The following GGACT variants were observed in gnomAD, a reference collection of about 807,000 sequenced individuals.
GGACT encodes gamma-glutamylaminecyclotransferase.
For missense variants in GGACT, 241 were observed against 233.2 expected (o/e 1.03, Z -0.22); for synonymous variants, 118 against 115.3 (o/e 1.02, Z -0.15).
At chr13:100,582,374 C>T (rs1875446878) in intron 2 of GGACT, among the ~76,000 whole-genome samples, 1 of 152,180 alleles carries the variant, frequency 6.6e-6, no homozygotes. Context: ...TTTGTCTCCT[C>T]AAATCTGTGG....
intron 1 of GGACT, among the ~76,000 whole-genome samples, chr13:100,586,247 G>A (rs576012797): frequency 6.6e-6 from 1 of 152,098 alleles, no homozygotes; most frequent in African/African-American, 2.4e-5. Context: ...GGAATAAACT[G>A]CTTTAAACTG....
intron 2 of GGACT, among the ~76,000 whole-genome samples, chr13:100,552,750 C>G (rs566022930): frequency 2.6e-5 from 4 of 152,160 alleles, no homozygotes; most frequent in African/African-American, 4.8e-5. Context: ...AGGTACTGAG[C>G]ATCTAGGACG....
rs144283341 is a variant in GGACT at position 100,574,886 on chromosome 13, A to G, written c.-11+8939T>C. On this transcript the variant is annotated intron_variant, in intron 2 of 2. Coordinates refer to ENST00000683975, the MANE Select transcript of GGACT (RefSeq NM_001195087.2). ...TCATACTTATGTGTATTAAAAAAAA[A>G]AGAGACAGAAATCTATCCAATTTAA... 3.3e-5 allele frequency among the ~76,000 whole-genome samples: 5 copies of G among 152,146 alleles called. No individual in the cohort carries two copies. In the East Asian group the frequency reaches 7.8e-4, roughly 24 times the overall value.
chr13:100,584,892 G>A (rs1016481509), intron 1 of GGACT, among the ~76,000 whole-genome samples: 41 of 152,178 alleles, frequency 2.7e-4, no homozygotes, highest in African/African-American at 9.2e-4. Flanking sequence ...ATCAGGCAAA[G>A]CCAATTTTAG....
At chr13:100,544,662 C>G (rs1484527025) in intron 2 of GGACT, among the ~76,000 whole-genome samples, 2 of 152,264 alleles carry the variant, frequency 1.3e-5, no homozygotes, top group African/African-American at 2.4e-5. Context: ...GATGCCACCC[C>G]AGGCCTCCTG....
chr13:100,547,401 G>A (rs2088617750), intron 2 of GGACT, among the ~76,000 whole-genome samples: 1 of 152,200 alleles, frequency 6.6e-6, no homozygotes, highest in Non-Finnish European at 1.5e-5. Context: ...GGATACATTT[G>A]TCAAAATCAT....
chr13:100,551,735 G>A (rs1422086411), intron 2 of GGACT, among the ~76,000 whole-genome samples: 1 of 152,188 alleles, frequency 6.6e-6, no homozygotes, highest in Non-Finnish European at 1.5e-5. Flanking sequence ...CCATCCCTTC[G>A]ATGTACAGGG....
At position 100,587,701 on chromosome 13, in the gene GGACT, G is replaced by A. The variant is rs1594202526; in HGVS notation, c.-184+1040C>T. Among the ~76,000 whole-genome samples the A allele has an allele frequency of 3.3e-5, 5 of 152,274 alleles. 1 individual carries two copies. In the South Asian group the frequency reaches 1.0e-3, roughly 32 times the overall value. The stretch of plus-strand genomic sequence containing the variant: ...GTTTTTCATTAATCATTTCTCCTGG[G>A]ACATTTAGCAAAACGAATAACTTGC... On this transcript the variant is annotated intron_variant, in intron 1 of 2. Coordinates refer to ENST00000683975, the MANE Select transcript of GGACT (RefSeq NM_001195087.2).
chr13:100,581,880 T>A (rs551841197), intron 2 of GGACT, among the ~76,000 whole-genome samples: 2 of 152,196 alleles, frequency 1.3e-5, no homozygotes, highest in East Asian at 3.9e-4. Flanking sequence ...CCTGTGGCAG[T>A]GACTCTGTGG....
chr13:100,550,842 TAC>T (rs1451424305), intron 2 of GGACT, among the ~76,000 whole-genome samples: 2 of 152,220 alleles, frequency 1.3e-5, no homozygotes, highest in African/African-American at 4.8e-5. Flanking sequence ...TCCCCAAATT[TAC>T]AGTGTTCTTT....
At chr13:100,577,324 G>A (rs1875276247) in intron 2 of GGACT, among the ~76,000 whole-genome samples, 1 of 151,822 alleles carries the variant, frequency 6.6e-6, no homozygotes, top group African/African-American at 2.4e-5. Context: ...GCTAAGGCAG[G>A]AGAATCACTT....
At chr13:100,552,168 A>T (rs553266682) in intron 2 of GGACT, among the ~76,000 whole-genome samples, 19 of 152,274 alleles carry the variant, frequency 1.2e-4, no homozygotes, top group Non-Finnish European at 2.6e-4. Flanking sequence ...AGAAGAAGAA[A>T]ATTCAATGGA....
chr13:100,530,680 T>C lies in GGACT; in HGVS notation c.*1450A>G. 4.5e-6 allele frequency: 1 copy of C among 222,234 alleles called. No individual in the cohort carries two copies. The highest frequency in any genetic ancestry group is 9.0e-6 in the Non-Finnish European group (1 of 111,718). The allele number at this position is 222,234 out of a possible 1,614,324, so 13.8% of individuals were successfully genotyped here. A position where few individuals can be genotyped will look rare whatever the true frequency, so the allele number is the denominator to read the frequency against. On this transcript the variant is annotated 3_prime_UTR_variant, in exon 3 of 3. Coordinates refer to ENST00000683975, the MANE Select transcript of GGACT (RefSeq NM_001195087.2). ...CTTCCTAAGGACCAGAGACTGCAAATGCAGATTTTGGCAATCCCTTTCCTG... is the reference window on the plus strand; with the variant it reads ...CTTCCTAAGGACCAGAGACTGCAAACGCAGATTTTGGCAATCCCTTTCCTG...
chr13:100,550,364 C>CTT (rs2088650598), intron 2 of GGACT, among the ~76,000 whole-genome samples: 1 of 135,100 alleles, frequency 7.4e-6, no homozygotes, highest in African/African-American at 3.1e-5. Flanking sequence ...ACCACTGGCC[C>CTT]TTCTAAGGAA....
chr13:100,551,974 G>A (rs760401632), intron 2 of GGACT, among the ~76,000 whole-genome samples: 12 of 152,166 alleles, frequency 7.9e-5, no homozygotes, highest in Non-Finnish European at 1.0e-4. Context: ...CCTGGCTGGG[G>A]TAGCTCCCTG....
Position 100,545,645 on chromosome 13 carries a change from C to T in GGACT, c.-10-13044G>A, listed in dbSNP as rs562002150. Among the ~76,000 whole-genome samples, 7 of 152,356 alleles carry T rather than the reference C, an allele frequency of 4.6e-5. No homozygotes were observed. The highest frequency in any genetic ancestry group is 1.3e-4 in the Admixed American group (2 of 15,312). On this transcript the variant is annotated intron_variant, in intron 2 of 2. Transcript: ENST00000683975. The surrounding 1 kb of genome is among the most constrained non-coding windows in gnomAD (Gnocchi z 4.4). ...GAAGCTGCCACTATCCTGAAATTCCCGATTTTGTCTTTGTATTTTGTAAGC... is the reference window on the plus strand; with the variant it reads ...GAAGCTGCCACTATCCTGAAATTCCTGATTTTGTCTTTGTATTTTGTAAGC...
At chr13:100,566,891 A>T (rs573503876) in intron 2 of GGACT, among the ~76,000 whole-genome samples, 1 of 152,324 alleles carries the variant, frequency 6.6e-6, no homozygotes, top group South Asian at 2.1e-4. Context: ...GCACAATCCC[A>T]ATTGCATGTA....
chr13:100,532,292 G>T lies in GGACT; in HGVS notation c.300C>A (p.Asp100Glu), dbSNP rs1190940376. The T allele has an allele frequency of 6.5e-7, 1 of 1,540,480 alleles. No individual in the cohort carries two copies. Among genetic ancestry groups the T allele is most frequent in the Non-Finnish European group, 8.8e-7 (1 of 1,138,864 alleles). Residue 100 changes from aspartate (D) to glutamate (E), a missense_variant, in exon 3 of 3, where the codon GAC (aspartate) becomes GAA (glutamate). Transcript: ENST00000683975. ...GCGGCTCCTCTGCGCCCGGGGCCCG[G>T]TCCTCCAGCAGCTGTACCCGCAGCA... is the stretch of plus-strand genomic sequence containing the variant. Reference protein sequence around the residue: ...RTVLRVQLLEDRAPGAEEPPA... With the variant: ...RTVLRVQLLEERAPGAEEPPA...
intron 2 of GGACT, among the ~76,000 whole-genome samples, chr13:100,556,816 AC>A (rs1363771807): frequency 6.6e-6 from 1 of 152,172 alleles, no homozygotes; most frequent in Non-Finnish European, 1.5e-5. Context: ...AAAAAATAAA[AC>A]TTATATAAAC....
Sources: allele counts gnomAD v4.1 joint callset (sites outside exome capture counted in the v4.1 genomes callset), GRCh38; gene constraint gnomAD v4.1.1; non-coding constraint Gnocchi (gnomAD v3.1); transcripts MANE v1.5; gene names NCBI Gene and HGNC (gene_info 2026-07-23, HGNC 2026-07-21).